Variants in STARD9 observed in about 807,000 individuals in gnomAD.
STARD9 encodes stAR-related lipid transfer protein 9.
STARD9 carries 346 observed loss-of-function variants against 399.8 expected under a neutral mutation model. The observed-to-expected ratio is 0.87, with a 90% confidence interval of 0.79 to 0.95. The LOEUF (loss-of-function observed/expected upper bound fraction) is 0.95, where lower values mean the gene tolerates loss of function less well. STARD9 is among the 40% of genes least tolerant of loss of function. The pLI, the probability that STARD9 is intolerant of heterozygous loss-of-function variation, is 0.00. For synonymous variants in STARD9, 2,203 were observed against 2,143.5 expected (o/e 1.03, Z -0.77); for missense variants, 5,832 against 5,667.5 (o/e 1.03, Z -0.93).
intron 3 of STARD9, among the ~76,000 whole-genome samples, chr15:42,625,572 C>T (rs1161330107): frequency 2.0e-5 from 3 of 151,648 alleles, no homozygotes; most frequent in Non-Finnish European, 4.4e-5. Flanking sequence ...TCAGGTGATC[C>T]ACCCACCTTG....
chr15:42,581,828 C>G (rs1047283419), intron 1 of STARD9, among the ~76,000 whole-genome samples: 1 of 152,202 alleles, frequency 6.6e-6, no homozygotes, highest in African/African-American at 2.4e-5. Flanking sequence ...ATTCCTCAGA[C>G]CCCTGTGCTT....
chr15:42,709,230 TAC>T (rs562680697), intron 26 of STARD9, among the ~76,000 whole-genome samples: 89 of 151,882 alleles, frequency 5.9e-4, no homozygotes, highest in African/African-American at 2.0e-3. Context: ...ACGCCATCTC[TAC>T]ACACACACAC....
At chr15:42,677,564 GT>G (rs920104915) in intron 20 of STARD9, among the ~76,000 whole-genome samples, 4 of 152,184 alleles carry the variant, frequency 2.6e-5, no homozygotes, top group African/African-American at 9.6e-5. Context: ...TTGAAGATCT[GT>G]TTTTCCCAGA....
intron 8 of STARD9, 131 bp from the exon 9 acceptor site, chr15:42,652,389 C>A: frequency 2.6e-6 from 2 of 760,164 alleles, no homozygotes; most frequent in Non-Finnish European, 4.4e-6. Flanking sequence ...CGATACTGGA[C>A]TAAATATGTG....
chr15:42,687,798 G>A lies in STARD9; in HGVS notation c.6220G>A (p.Ala2074Thr). ...IESKQNKQVH[A>T]SHTPGTDKEL... is the part of the protein sequence containing the mutation. ...ATCTAAGCAGAATAAGCAGGTTCAT[G>A]CTTCCCACACACCAGGAACCGATAA... Residue 2074 changes from alanine to threonine, a missense_variant, in exon 23 of 33, where the codon GCT (alanine) becomes ACT (threonine). Physicochemically the swap from Ala to Thr is moderately conservative, Grantham distance 58. Coordinates refer to ENST00000290607, the MANE Select transcript of STARD9 (RefSeq NM_020759.3). 1 of 1,537,492 alleles carries A rather than the reference G, an allele frequency of 6.5e-7. No homozygotes were observed. Among genetic ancestry groups the A allele is most frequent in the Admixed American group, 2.0e-5 (1 of 51,010 alleles).
intron 26 of STARD9, among the ~76,000 whole-genome samples, chr15:42,703,037 C>G (rs2140343628): frequency 6.6e-6 from 1 of 152,090 alleles, no homozygotes; most frequent in African/African-American, 2.4e-5. Flanking sequence ...TCAAGCAATC[C>G]TCCTACCATA....
chr15:42,679,462 T>C (rs1446782939), intron 20 of STARD9, among the ~76,000 whole-genome samples: 2 of 152,226 alleles, frequency 1.3e-5, no homozygotes, highest in African/African-American at 2.4e-5. Context: ...GTCCTAGTCC[T>C]TGGACCTGTT....
At chr15:42,703,530 ATT>A (rs35809542) in intron 26 of STARD9, among the ~76,000 whole-genome samples, 9 of 135,124 alleles carry the variant, frequency 6.7e-5, no homozygotes, top group Admixed American at 7.4e-5. Flanking sequence ...TGCCTGGCTG[ATT>A]TTTTTTTTTT....
Position 42,693,017 on chromosome 15 carries a change from A to G in STARD9, c.11439A>G (p.Ser3813=). 6.5e-7 allele frequency: 1 copy of G among 1,537,170 alleles called. No individual in the cohort carries two copies. The highest frequency in any genetic ancestry group is 8.7e-7 in the Non-Finnish European group (1 of 1,146,890). ...CTCCCTACAAGCCCCAGAGCCCTTC[A>G]ATACCCTCATCCCACTTGAGGTTTC... is the stretch of plus-strand genomic sequence containing the variant. ...ESTPYKPQSP[S]IPSSHLRFQK... Residue 3813 remains serine, a synonymous_variant, in exon 23 of 33, where the codon TCA becomes TCG. Coordinates refer to ENST00000290607, the MANE Select transcript of STARD9 (RefSeq NM_020759.3).
chr15:42,605,722 A>C (rs942181716), intron 3 of STARD9, among the ~76,000 whole-genome samples: 3 of 152,218 alleles, frequency 2.0e-5, no homozygotes, highest in African/African-American at 7.2e-5. Flanking sequence ...TTGGTGTCCG[A>C]GGAAGATTAA....
In STARD9 at chr15:42,665,941, C is replaced by G. The variant is rs2060092719; in HGVS notation, c.1317+93C>G. On this transcript the variant is annotated intron_variant, in intron 15 of 32. Transcript: ENST00000290607. ...AGGTAGGGTTGCTCCCTTGGCAGGG[C>G]AGAGAAGAGCTGTCTCATTTAAATA... 2.3e-5 allele frequency: 23 copies of G among 984,592 alleles called. No homozygotes were observed. The South Asian group carries it at 3.2e-4, about 14-fold the overall frequency. 61.0% of individuals were successfully genotyped at this position (984,592 alleles called of 1,614,324 possible). A position where few individuals can be genotyped will look rare whatever the true frequency, so the allele number is the denominator to read the frequency against.
In STARD9 at chr15:42,693,146, C is replaced by T. The variant is rs2060754262; in HGVS notation, c.11568C>T (p.Val3856=). The change falls in exon 23 of 33, where the codon GTC becomes GTT. Residue 3856 remains valine, a synonymous_variant. Transcript: ENST00000290607. ...CAGAGGAGTCATATTGCTTAGTTGT[C>T]AGCAGTCCCAGTCCCAGCTCCCCTC... The part of the protein sequence containing the change: ...SQPEESYCLV[V]SSPSPSSPHS... The T allele has an allele frequency of 1.3e-6, 2 of 1,537,066 alleles. No homozygotes were observed. Among genetic ancestry groups the T allele is most frequent in the East Asian group, 2.4e-5 (1 of 40,926 alleles).
intron 3 of STARD9, 81 bp from the exon 4 acceptor site, chr15:42,634,775 T>A: frequency 1.5e-6 from 1 of 653,428 alleles, no homozygotes; most frequent in East Asian, 2.9e-5. Flanking sequence ...TATTTTATAT[T>A]TTTTTAGATT....
At chr15:42,616,708 G>A (rs1166595224) in intron 3 of STARD9, among the ~76,000 whole-genome samples, 6 of 151,846 alleles carry the variant, frequency 4.0e-5, no homozygotes, top group Admixed American at 3.3e-4. Context: ...TGGCTAACAC[G>A]GTGAAACCCC....
chr15:42,683,732 T>C (rs961594873), intron 22 of STARD9, among the ~76,000 whole-genome samples: 1 of 152,226 alleles, frequency 6.6e-6, no homozygotes, highest in Non-Finnish European at 1.5e-5. Context: ...TTATTTGTAA[T>C]CATTATTTTT....
intron 8 of STARD9, 100 bp downstream of exon 8, chr15:42,651,185 T>C (rs1252113511): frequency 3.6e-6 from 3 of 830,536 alleles, no homozygotes; most frequent in East Asian, 2.9e-5. Context: ...TAAAATTGTC[T>C]CTGTGTGTAG....
In STARD9 at chr15:42,686,664, G is replaced by A; in HGVS notation, c.5086G>A (p.Glu1696Lys). The A allele has an allele frequency of 6.5e-7, 1 of 1,537,674 alleles. No homozygotes were observed. The change falls in exon 23 of 33, where the codon GAA (glutamate) becomes AAA (lysine). Residue 1696 changes from glutamate to lysine, a missense_variant. Physicochemically the swap from Glu to Lys is moderately conservative, Grantham distance 56. Coordinates refer to ENST00000290607, the MANE Select transcript of STARD9 (RefSeq NM_020759.3). ...LSPDSHYPLE[E>K]EKTDCQESSK... ...TCCCGACAGCCACTACCCACTAGAG[G>A]AAGAGAAGACAGATTGCCAGGAGAG...
Position 42,684,232 on chromosome 15 carries a change from C to G in STARD9, c.2654C>G (p.Ala885Gly), listed in dbSNP as rs1185018802. Residue 885 changes from alanine to glycine, a missense_variant, in exon 23 of 33, where the codon GCA becomes GGA. Around this residue, in one of 2 missense-constraint regions of STARD9, gnomAD observed 5,828 missense variants for 5,651.1 expected, o/e 1.03. Transcript: ENST00000290607. ...EHLPQAASYP[A>G]RTGCLRKNGL... Reference sequence around the variant, plus strand: ...TTGCCACAGGCTGCTTCCTACCCTGCAAGGACAGGGTGCCTCCGCAAGAAC... The same window carrying G: ...TTGCCACAGGCTGCTTCCTACCCTGGAAGGACAGGGTGCCTCCGCAAGAAC... 6.5e-7 allele frequency: 1 copy of G among 1,537,294 alleles called. No individual in the cohort carries two copies. Among genetic ancestry groups the G allele is most frequent in the South Asian group, 1.2e-5 (1 of 84,064 alleles).
intron 16 of STARD9, 93 bp downstream of exon 16, chr15:42,669,430 T>C (rs756336585): frequency 8.4e-7 from 1 of 1,188,750 alleles, no homozygotes; most frequent in Non-Finnish European, 1.2e-6. Flanking sequence ...TTACTGTGAA[T>C]TGAAATCAAG....
Sources: gnomAD v4.1 joint callset for allele counts (sites outside exome capture counted in the v4.1 genomes callset) on GRCh38, gnomAD v4.1.1 for gene constraint, gnomAD v4.1.1 regional missense constraint, MANE v1.5 for transcripts, NCBI Gene and HGNC (gene_info 2026-07-23, HGNC 2026-07-21) for gene names.